The following GNG12 variants were observed in gnomAD, a reference collection of about 807,000 sequenced individuals.
GNG12 encodes G protein subunit gamma 12.
For missense variants in GNG12, 69 were observed against 83.8 expected, an observed-to-expected ratio of 0.82 and a Z score of 0.69; for synonymous variants, 28 against 29.7, an observed-to-expected ratio of 0.94 and a Z score of 0.19.
chr1:67,823,353 C>T (rs141237993), intron 1 of GNG12, among the ~76,000 whole-genome samples: 202 of 152,284 alleles, frequency 1.3e-3, no homozygotes, highest in Non-Finnish European at 2.3e-3. Flanking sequence ...TAGCTGAAAA[C>T]TATTTTTAAT....
intron 2 of GNG12, among the ~76,000 whole-genome samples, chr1:67,760,110 C>T (rs996353941): frequency 1.3e-5 from 2 of 152,218 alleles, no homozygotes; most frequent in Non-Finnish European, 2.9e-5. Flanking sequence ...TTGTAGTGCT[C>T]TTCCTTCACT....
intron 2 of GNG12, among the ~76,000 whole-genome samples, chr1:67,754,858 T>C (rs371472535): frequency 2.0e-5 from 3 of 152,226 alleles, no homozygotes; most frequent in East Asian, 3.8e-4. Flanking sequence ...TCCAGCCTGC[T>C]ACCTGACAGC....
intron 2 of GNG12, among the ~76,000 whole-genome samples, chr1:67,728,410 C>T (rs760386832): frequency 6.6e-6 from 1 of 152,286 alleles, no homozygotes; most frequent in Non-Finnish European, 1.5e-5. Flanking sequence ...TCAGCTTCCT[C>T]GTCCCCAACA....
At chr1:67,760,281 A>C (rs75324854) in intron 2 of GNG12, among the ~76,000 whole-genome samples, 1,881 of 152,308 alleles carry the variant, frequency 0.012, 32 homozygotes, top group African/African-American at 0.043. Context: ...CAACTCCCTG[A>C]GTTTCCAAGG....
chr1:67,779,668 T>C (rs894704965), intron 1 of GNG12, among the ~76,000 whole-genome samples: 3 of 152,208 alleles, frequency 2.0e-5, no homozygotes, highest in African/African-American at 7.2e-5. Flanking sequence ...ACAACTTCTC[T>C]GCAGTAGCGC....
Position 67,731,125 on chromosome 1 carries a change from A to G in GNG12, c.-26-23413T>C, listed in dbSNP as rs144313209. Among the ~76,000 whole-genome samples the G allele has an allele frequency of 7.3e-4, 111 of 152,128 alleles. 1 individual carries two copies. In the East Asian group the frequency reaches 0.015, roughly 20 times the overall value. ...TTTGTTTTTATTTTTTCCCCCCAGA[A>G]AGCCCTCCCCTCTCTGACTTCCCCC... On this transcript the variant is annotated intron_variant, in intron 2 of 3. Transcript: ENST00000370982.
At chr1:67,768,426 T>C (rs1012372546) in intron 2 of GNG12, among the ~76,000 whole-genome samples, 1 of 152,182 alleles carries the variant, frequency 6.6e-6, no homozygotes, top group African/African-American at 2.4e-5. Flanking sequence ...AAGCAGATCA[T>C]TGCACATATT....
intron 2 of GNG12, among the ~76,000 whole-genome samples, chr1:67,757,262 C>T (rs1171940644): frequency 2.0e-5 from 3 of 152,156 alleles, no homozygotes; most frequent in African/African-American, 7.2e-5. Flanking sequence ...GCAAAGGTGT[C>T]AGACAGGGAA....
chr1:67,760,665 T>C (rs1227795548), intron 2 of GNG12, among the ~76,000 whole-genome samples: 1 of 152,206 alleles, frequency 6.6e-6, no homozygotes, highest in Non-Finnish European at 1.5e-5. Context: ...GAACTCGTAT[T>C]CTGATTCAGA....
chr1:67,737,804 A>G (rs1646460722), intron 2 of GNG12, among the ~76,000 whole-genome samples: 1 of 152,116 alleles, frequency 6.6e-6, no homozygotes, highest in African/African-American at 2.4e-5. Flanking sequence ...TACTCAGTTT[A>G]TTGTCAATAT....
intron 1 of GNG12, among the ~76,000 whole-genome samples, chr1:67,793,447 A>G (rs998372288): frequency 2.6e-5 from 4 of 152,214 alleles, no homozygotes; most frequent in Non-Finnish European, 5.9e-5. Flanking sequence ...TTGTTTGGGA[A>G]TTTAACTTGT....
chr1:67,706,953 C>A (rs1646252861), intron 3 of GNG12, among the ~76,000 whole-genome samples: 1 of 152,216 alleles, frequency 6.6e-6, no homozygotes, highest in Non-Finnish European at 1.5e-5. Context: ...AGCCACCGCG[C>A]CTGGCCAACT....
At chr1:67,785,524 G>T (rs1164189810) in intron 1 of GNG12, among the ~76,000 whole-genome samples, 6 of 151,988 alleles carry the variant, frequency 3.9e-5, no homozygotes, top group Admixed American at 1.3e-4. Context: ...AGGTACCAGT[G>T]GTCCATATTT....
intron 1 of GNG12, among the ~76,000 whole-genome samples, chr1:67,816,201 T>G (rs1368691451): frequency 1.3e-5 from 2 of 152,140 alleles, no homozygotes; most frequent in African/African-American, 4.8e-5. Flanking sequence ...TTTCCTCAAG[T>G]CAAGAAAGTT....
intron 1 of GNG12, among the ~76,000 whole-genome samples, chr1:67,780,954 A>C (rs895701166): frequency 2.0e-5 from 3 of 152,218 alleles, no homozygotes; most frequent in African/African-American, 7.2e-5. Context: ...CATGGCTTGG[A>C]TATTTCTACC....
intron 1 of GNG12, among the ~76,000 whole-genome samples, chr1:67,818,211 C>T (rs1646964902): frequency 6.6e-6 from 1 of 152,150 alleles, no homozygotes; most frequent in African/African-American, 2.4e-5. Context: ...CCTTATTCAT[C>T]CTTATGTCCC....
Position 67,759,500 on chromosome 1 carries a change from C to G in GNG12, c.-27+17958G>C, listed in dbSNP as rs150568200. 2.6e-5 allele frequency among the ~76,000 whole-genome samples: 4 copies of G among 152,198 alleles called. No homozygotes were observed. In the East Asian group the frequency reaches 7.7e-4, roughly 29 times the overall value. ...CATTCCCTGTGTGACCTGCGAATATCTGTTGGCTGTAATTATTATAATCTT... is the reference window on the plus strand; with the variant it reads ...CATTCCCTGTGTGACCTGCGAATATGTGTTGGCTGTAATTATTATAATCTT... On this transcript the variant is annotated intron_variant, in intron 2 of 3. Coordinates refer to ENST00000370982, the MANE Select transcript of GNG12 (RefSeq NM_018841.6).
At chr1:67,722,237 CAT>C (rs1020643365) in intron 2 of GNG12, among the ~76,000 whole-genome samples, 9 of 152,218 alleles carry the variant, frequency 5.9e-5, no homozygotes, top group Admixed American at 5.2e-4. Context: ...CCTAGGGAGC[CAT>C]TCCTCTGTGT....
chr1:67,800,608 G>T (rs1164134329), intron 1 of GNG12, among the ~76,000 whole-genome samples: 4 of 152,086 alleles, frequency 2.6e-5, no homozygotes, highest in Admixed American at 6.5e-5. Flanking sequence ...ATGTCACAGA[G>T]AATTTTTTAA....
Sources: gnomAD v4.1 joint callset for allele counts (sites outside exome capture counted in the v4.1 genomes callset) on GRCh38, gnomAD v4.1.1 for gene constraint, MANE v1.5 for transcripts, NCBI Gene and HGNC (gene_info 2026-07-23, HGNC 2026-07-21) for gene names.